The following MPHOSPH9 variants were observed in gnomAD, a reference collection of about 807,000 sequenced individuals.
The protein encoded by MPHOSPH9 is M-phase phosphoprotein 9.
MPHOSPH9 carries 88 observed loss-of-function variants against 145.5 expected under a neutral mutation model. The ratio of observed to expected loss-of-function variants is 0.60; its 90% CI spans 0.51 to 0.72. The LOEUF is 0.72. MPHOSPH9 is among the 30% of genes least tolerant of loss of function. The pLI is 0.00. For missense variants in MPHOSPH9, 1,238 were observed against 1,386.6 expected (o/e 0.89, Z 1.70); for synonymous variants, 435 against 486.2 (o/e 0.89, Z 1.39).
chr12:123,242,044 G>A (rs2047948130), intron 1 of MPHOSPH9, among the ~76,000 whole-genome samples: 1 of 152,168 alleles, frequency 6.6e-6, no homozygotes, highest in Admixed American at 6.5e-5. Flanking sequence ...TTATGCTACA[G>A]ACTCTTTAGG....
upstream of MPHOSPH9, among the ~76,000 whole-genome samples, chr12:123,235,915 T>C (rs1433876654): frequency 6.6e-6 from 1 of 151,738 alleles, no homozygotes; most frequent in Non-Finnish European, 1.5e-5. Context: ...AATACAAAAA[T>C]TAGCTGGGCG....
intron 2 of MPHOSPH9, among the ~76,000 whole-genome samples, chr12:123,228,488 G>A (rs1215400032): frequency 6.6e-6 from 1 of 152,182 alleles, no homozygotes; most frequent in African/African-American, 2.4e-5. Flanking sequence ...AGGAGATCAA[G>A]ACTGTCCTGG....
In MPHOSPH9 at chr12:123,227,557, G is replaced by C; in HGVS notation, c.164C>G (p.Ser55Cys). 1 of 1,533,086 alleles carries C rather than the reference G, an allele frequency of 6.5e-7. No individual in the cohort carries two copies. The highest frequency in any genetic ancestry group is 8.7e-7 in the Non-Finnish European group (1 of 1,144,920). The allele number at this position is 1,533,086 out of a possible 1,614,324, so 95.0% of individuals were successfully genotyped here. The change falls in exon 3 of 24, where the codon TCT becomes TGT. Residue 55 changes from serine to cysteine, a missense_variant. Ser to Cys is a moderately radical substitution (Grantham distance 112). Transcript: ENST00000606320. ...GACTTCAACTGTACCTTGAATTACA[G>C]ATGGTCTGGTCTTCCCTGAGAAAGA... ...VSSFSGKTRP[S>C]VIQGTVEVLT... is the part of the protein sequence containing the mutation.
At chr12:123,189,383 G>A (rs959492580) in intron 13 of MPHOSPH9, among the ~76,000 whole-genome samples, 5 of 152,176 alleles carry the variant, frequency 3.3e-5, no homozygotes, top group African/African-American at 1.2e-4. Flanking sequence ...TTGAGGTTAT[G>A]AGTTTTGGAG....
intron 8 of MPHOSPH9, 74 bp from the exon 9 acceptor site, chr12:123,203,449 T>C (rs1443034790): frequency 1.5e-6 from 2 of 1,350,298 alleles, no homozygotes; most frequent in African/African-American, 2.9e-5. Context: ...ATAAGCACCA[T>C]AAAAAGATTT....
chr12:123,193,273 G>A (rs1395891939), intron 13 of MPHOSPH9, among the ~76,000 whole-genome samples: 3 of 151,260 alleles, frequency 2.0e-5, no homozygotes, highest in Non-Finnish European at 2.9e-5. Flanking sequence ...AAAAATGAGA[G>A]TGCAATATAA....
intron 13 of MPHOSPH9, among the ~76,000 whole-genome samples, chr12:123,193,962 CAA>C (rs1307328992): frequency 6.6e-6 from 1 of 152,036 alleles, no homozygotes; most frequent in Non-Finnish European, 1.5e-5. Context: ...ACAGTTGCTG[CAA>C]AGTTATGTAA....
intron 7 of MPHOSPH9, among the ~76,000 whole-genome samples, chr12:123,211,684 C>CTTTTTTTTTT (rs147321517): frequency 4.4e-5 from 3 of 67,756 alleles, no homozygotes; most frequent in Non-Finnish European, 9.3e-5. Context: ...TAGACAATTT[C>CTTTTTTTTTT]TTTTTTTTTT....
intron 11 of MPHOSPH9, among the ~76,000 whole-genome samples, chr12:123,200,504 C>G (rs2046173877): frequency 6.6e-6 from 1 of 152,158 alleles, no homozygotes; most frequent in Non-Finnish European, 1.5e-5. Flanking sequence ...CCTACACGCT[C>G]AAACATCTTC....
In MPHOSPH9 at chr12:123,218,621, G is replaced by A. The variant is rs960806301; in HGVS notation, c.873-122C>T. 18 of 878,726 alleles carry A rather than the reference G, an allele frequency of 2.0e-5. No homozygotes were observed. The East Asian group carries it at 4.6e-4, about 22-fold the overall frequency. The allele number at this position is 878,726 out of a possible 1,614,324, so 54.4% of individuals were successfully genotyped here. ...GTTCACTGCAACCTCCATCTCCTAG[G>A]TTCAAGCAATTCTCGTGCCTCAGTC... On this transcript the variant is annotated intron_variant, in intron 5 of 23. Transcript: ENST00000606320.
At chr12:123,230,621 A>C in intron 1 of MPHOSPH9, 99 bp from the exon 2 acceptor site, 1 of 323,010 alleles carries the variant, frequency 3.1e-6, no homozygotes, top group Non-Finnish European at 5.7e-6. Context: ...TTTCATACAG[A>C]TCTCCATTAA....
intron 6 of MPHOSPH9, among the ~76,000 whole-genome samples, chr12:123,217,358 C>T (rs563572646): frequency 3.9e-5 from 6 of 151,960 alleles, no homozygotes; most frequent in African/African-American, 1.2e-4. Flanking sequence ...CTACCACACC[C>T]GGCTAAGTTT....
At chr12:123,238,866 T>C (rs1407603261) in intron 1 of MPHOSPH9, among the ~76,000 whole-genome samples, 4 of 152,154 alleles carry the variant, frequency 2.6e-5, no homozygotes, top group Non-Finnish European at 5.9e-5. Flanking sequence ...AGCTACATTG[T>C]CCCATAAAGT....
intron 6 of MPHOSPH9, 86 bp from the exon 7 acceptor site, chr12:123,214,920 C>T: frequency 8.9e-7 from 1 of 1,118,316 alleles, no homozygotes; most frequent in Non-Finnish European, 1.3e-6. Context: ...GGCCTCAAAC[C>T]AGGTGGGGAG....
chr12:123,223,499 C>G (rs1478448618), intron 3 of MPHOSPH9, among the ~76,000 whole-genome samples: 3 of 152,178 alleles, frequency 2.0e-5, no homozygotes, highest in Non-Finnish European at 4.4e-5. Flanking sequence ...TTCATCCCAG[C>G]CCTCTGTCCT....
rs185485528 is a variant in MPHOSPH9 at position 123,177,508 on chromosome 12, C to G, written c.2355-719G>C. Reference sequence around the variant, plus strand: ...CCGTTATCACACCACTTTACTCCAGCCTGGGCAACAGAGCAAGACTTTGTC... The same window carrying G: ...CCGTTATCACACCACTTTACTCCAGGCTGGGCAACAGAGCAAGACTTTGTC... On this transcript the variant is annotated intron_variant, in intron 15 of 23. Transcript: ENST00000606320. 7.4e-4 allele frequency among the ~76,000 whole-genome samples: 112 copies of G among 152,050 alleles called. 2 individuals carry two copies. In the East Asian group the frequency reaches 0.02, roughly 27 times the overall value.
intron 14 of MPHOSPH9, among the ~76,000 whole-genome samples, chr12:123,180,455 G>A (rs780098759): frequency 8.5e-5 from 13 of 152,144 alleles, no homozygotes; most frequent in Non-Finnish European, 1.2e-4. Context: ...CACCATCGTC[G>A]AAGGGTTTTA....
chr12:123,164,092 T>A lies in MPHOSPH9; in HGVS notation c.2768-2A>T. ...AAGTTTCAGTTTGCCGAGGATTTAC[T>A]ACAGCAGACCAAAAAAAAGCAAAAC... On this transcript the variant is annotated splice_acceptor_variant, in intron 18 of 23. Coordinates refer to ENST00000606320, the MANE Select transcript of MPHOSPH9 (RefSeq NM_022782.4). LOFTEE classifies it high-confidence loss of function. 6.2e-7 allele frequency: 1 copy of A among 1,613,946 alleles called. No homozygotes were observed. Among genetic ancestry groups the A allele is most frequent in the South Asian group, 1.1e-5 (1 of 91,070 alleles).
intron 13 of MPHOSPH9, among the ~76,000 whole-genome samples, chr12:123,193,259 A>G (rs2045793337): frequency 1.3e-5 from 2 of 151,172 alleles, no homozygotes; most frequent in East Asian, 3.8e-4. Flanking sequence ...AAATAGATGG[A>G]AAAAAAAATG....
Sources: allele counts gnomAD v4.1 joint callset (sites outside exome capture counted in the v4.1 genomes callset), GRCh38; gene constraint gnomAD v4.1.1; transcripts MANE v1.5; gene names NCBI Gene and HGNC (gene_info 2026-07-23, HGNC 2026-07-21).